ASMTL: variants seen among roughly 807,000 people sequenced by gnomAD.
The protein encoded by ASMTL is acetylserotonin O-methyltransferase like.
In ASMTL, 57 loss-of-function variants were observed where a neutral mutation model predicts 60.3. The ratio of observed to expected loss-of-function variants is 0.95; its 90% CI spans 0.76 to 1.18. The LOEUF is 1.18. Ranked by LOEUF, ASMTL falls within the 50% of genes most tolerant of loss-of-function variation. ASMTL has a pLI of 0.00. For synonymous variants in ASMTL, 419 were observed against 373.0 expected, an observed-to-expected ratio of 1.12 and a Z score of -1.42; for missense variants, 981 against 852.6, an observed-to-expected ratio of 1.15 and a Z score of -1.88.
intron 12 of ASMTL, 110 bp downstream of exon 12, chrX:1,412,622 C>T (rs2090072682): frequency 3.3e-6 from 5 of 1,493,904 alleles, no homozygotes; most frequent in African/African-American, 2.8e-5. Context: ...CTCGGCCTCC[C>T]AAAGCGCTGG....
Position 1,443,731 on chromosome X carries a change from C to A in ASMTL, c.94-1414G>T, listed in dbSNP as rs1312973595. 5.9e-5 allele frequency among the ~76,000 whole-genome samples: 8 copies of A among 136,656 alleles called. No homozygotes were observed. In the South Asian group the frequency reaches 1.8e-3, roughly 32 times the overall value. 89.7% of individuals were successfully genotyped at this position (136,656 alleles called of 152,430 possible). ...TCTTGGCCATCGTGGACACACACCC[C>A]CATCGTGGACAGACATCATCGTGGA... is the stretch of plus-strand genomic sequence containing the variant. On this transcript the variant is annotated intron_variant, in intron 1 of 12. Transcript: ENST00000381317.
At chrX:1,426,747 C>T (rs1456289671) in intron 7 of ASMTL, among the ~76,000 whole-genome samples, 6 of 152,094 alleles carry the variant, frequency 3.9e-5, no homozygotes, top group African/African-American at 1.4e-4. Context: ...GGAGGCTACT[C>T]CTGAGGCTAC....
At chrX:1,431,551 A>G (rs1490900685) in intron 6 of ASMTL, among the ~76,000 whole-genome samples, 1 of 143,736 alleles carries the variant, frequency 7.0e-6, no homozygotes, top group Non-Finnish European at 1.5e-5. Flanking sequence ...TTAATATATA[A>G]TCTATATTAT....
chrX:1,426,441 A>G (rs1400842664), intron 7 of ASMTL, among the ~76,000 whole-genome samples: 9 of 151,806 alleles, frequency 5.9e-5, no homozygotes, highest in African/African-American at 1.9e-4. Context: ...TCCCTCCTGC[A>G]CCCGACATCC....
intron 7 of ASMTL, among the ~76,000 whole-genome samples, chrX:1,426,926 T>C (rs763654898): frequency 9.3e-4 from 141 of 151,972 alleles, no homozygotes; most frequent in African/African-American, 3.2e-3. Flanking sequence ...GAGGTTGCAG[T>C]GAGCCGAGAT....
Position 1,412,736 on chromosome X carries a change from C to T in ASMTL, c.1641G>A (p.Lys547=), listed in dbSNP as rs2090078215. 6.2e-7 allele frequency: 1 copy of T among 1,613,860 alleles called. No homozygotes were observed. Among genetic ancestry groups the T allele is most frequent in the Non-Finnish European group, 8.5e-7 (1 of 1,179,856 alleles). ...AACCTGACGATGGGCTCTCACCTGGCTTGCAGCTCTCGGCGACCCTGCTGA... is the reference window on the plus strand; with the variant it reads ...AACCTGACGATGGGCTCTCACCTGGTTTGCAGCTCTCGGCGACCCTGCTGA... ...KLLSRVAESC[K]PGAGLLLVET... is the part of the protein sequence containing the mutation. The change falls in exon 12 of 13, where the codon AAG becomes AAA. Residue 547 remains lysine (K), a synonymous_variant. Transcript: ENST00000381317.
intron 4 of ASMTL, 152 bp downstream of exon 4, chrX:1,435,542 C>T: frequency 1.4e-6 from 1 of 711,962 alleles, no homozygotes. Context: ...TGCCTGCCTC[C>T]CTGCATAGCT....
At position 1,435,017 on chromosome X, in the gene ASMTL, G is replaced by A; in HGVS notation, c.400+5C>T. ...GGGCTACCCCGAAACCTGGGCCGCG[G>A]TTACCTTTGCTGGAGCAGTGGACGA... On this transcript the variant is annotated splice_donor_5th_base_variant and intron_variant, in intron 5 of 12. Coordinates refer to ENST00000381317, the MANE Select transcript of ASMTL (RefSeq NM_004192.4). 6.2e-7 allele frequency: 1 copy of A among 1,613,794 alleles called. No homozygotes were observed. The highest frequency in any genetic ancestry group is 8.5e-7 in the Non-Finnish European group (1 of 1,179,852).
chrX:1,420,353 C>G, intron 9 of ASMTL, among the ~76,000 whole-genome samples: 1 of 151,924 alleles, frequency 6.6e-6, no homozygotes, highest in African/African-American at 2.4e-5. Flanking sequence ...GTCTCTGTCT[C>G]CCTCTATCTT....
Position 1,412,753 on chromosome X carries a change from C to T in ASMTL, c.1624G>A (p.Val542Ile). 5.0e-6 allele frequency: 8 copies of T among 1,613,990 alleles called. No individual in the cohort carries two copies. Among genetic ancestry groups the T allele is most frequent in the Non-Finnish European group, 6.8e-6 (8 of 1,179,868 alleles). ...TCACCTGGCTTGCAGCTCTCGGCGA[C>T]CCTGCTGAGTAACTTGTGGACTTTG... ...DDKVHKLLSRVAESCKPGAGL... is the reference protein window; with the variant it reads ...DDKVHKLLSRIAESCKPGAGL... Residue 542 changes from valine (V) to isoleucine (I), a missense_variant, in exon 12 of 13, where the codon GTC becomes ATC. Coordinates refer to ENST00000381317, the MANE Select transcript of ASMTL (RefSeq NM_004192.4).
Position 1,430,255 on chromosome X carries a change from G to A in ASMTL, c.509+2014C>T, listed in dbSNP as rs767262001. On this transcript the variant is annotated intron_variant, in intron 6 of 12. Transcript: ENST00000381317. Reference sequence around the variant, plus strand: ...TTGAACTTCTGACCTCAGGTGATCCGCCTGCCTCGGCCTCCCAAAGTATTG... The same window carrying A: ...TTGAACTTCTGACCTCAGGTGATCCACCTGCCTCGGCCTCCCAAAGTATTG... 9.5e-4 allele frequency among the ~76,000 whole-genome samples: 144 copies of A among 152,076 alleles called. 1 individual carries two copies. The highest frequency in any genetic ancestry group is 3.3e-3 in the African/African-American group (137 of 41,472).
At chrX:1,415,214 T>TCCAGGCGTGAGCCTGGGCACGTGGC (rs747715910) in intron 11 of ASMTL, among the ~76,000 whole-genome samples, 95,067 of 151,818 alleles carry the variant, frequency 0.63, 31,187 homozygotes, top group South Asian at 0.84. Context: ...GGGCTGGGAT[T>TCCAGGCGTGAGCCTGGGCACGTGGC]CCAGGCGTCT....
At chrX:1,404,191 C>T (rs2089706874) in intron 12 of ASMTL, among the ~76,000 whole-genome samples, 1 of 135,490 alleles carries the variant, frequency 7.4e-6, no homozygotes, top group African/African-American at 2.9e-5. Context: ...TAGATGGATG[C>T]ATGGATGAGA....
At chrX:1,424,274 A>G (rs1413999813) in intron 8 of ASMTL, among the ~76,000 whole-genome samples, 1 of 144,322 alleles carries the variant, frequency 6.9e-6, no homozygotes, top group Admixed American at 7.1e-5. Flanking sequence ...ATGCCCACTC[A>G]TCCATCCACC....
chrX:1,415,746 G>A (rs1391984566), intron 11 of ASMTL, among the ~76,000 whole-genome samples: 5 of 152,218 alleles, frequency 3.3e-5, no homozygotes, highest in Admixed American at 6.5e-5. Context: ...GATTACAGGC[G>A]TGAGCTACTG....
chrX:1,404,725 A>T (rs1157741671), intron 12 of ASMTL, among the ~76,000 whole-genome samples: 5 of 144,526 alleles, frequency 3.5e-5, no homozygotes, highest in African/African-American at 1.3e-4. Flanking sequence ...TGCATGGATG[A>T]GATGGATGGA....
intron 12 of ASMTL, among the ~76,000 whole-genome samples, chrX:1,411,715 C>G (rs1401055680): frequency 8.7e-6 from 1 of 115,446 alleles, no homozygotes; most frequent in East Asian, 2.2e-4. Context: ...CTGCAGCCTC[C>G]TCAGTGTGAA....
chrX:1,429,233 A>G, intron 6 of ASMTL, among the ~76,000 whole-genome samples: 1 of 150,226 alleles, frequency 6.7e-6, no homozygotes, highest in East Asian at 2.0e-4. Flanking sequence ...TTTTTTTTTC[A>G]AGACAGGGTC....
intron 5 of ASMTL, 51 bp downstream of exon 5, chrX:1,434,971 G>C: frequency 1.2e-6 from 2 of 1,603,340 alleles, no homozygotes; most frequent in African/African-American, 1.3e-5. Flanking sequence ...AGAATGTCCC[G>C]GGTCCTTGTC....
Sources: allele counts gnomAD v4.1 joint callset (sites outside exome capture counted in the v4.1 genomes callset), GRCh38; gene constraint gnomAD v4.1.1; transcripts MANE v1.5; gene names NCBI Gene and HGNC (gene_info 2026-07-23, HGNC 2026-07-21).